The following DOCK2 variants were observed in gnomAD, a reference collection of about 807,000 sequenced individuals.
DOCK2 encodes the protein dedicator of cytokinesis 2.
A neutral mutation model predicts 248.9 loss-of-function variants in DOCK2; 87 were observed. That is an observed-to-expected ratio of 0.35 (90% CI 0.29 to 0.42). The LOEUF (loss-of-function observed/expected upper bound fraction) is 0.42. Among genes scored for constraint, DOCK2 ranks in the 10% least tolerant of loss-of-function variants. The pLI is 1.00. For synonymous variants in DOCK2, 805 were observed against 821.6 expected, an observed-to-expected ratio of 0.98 and a Z score of 0.35; for missense variants, 1,747 against 2,300.2, an observed-to-expected ratio of 0.76 and a Z score of 4.92.
At chr5:169,912,621 A>ATGTG (rs59287791) in intron 27 of DOCK2, among the ~76,000 whole-genome samples, 25,381 of 150,466 alleles carry the variant, frequency 0.17, 2,811 homozygotes, top group African/African-American at 0.32. Flanking sequence ...GGTGGAGTGT[A>ATGTG]TGTGTGTGTG....
chr5:169,850,825 T>C (rs1770582371), intron 27 of DOCK2, among the ~76,000 whole-genome samples: 1 of 152,222 alleles, frequency 6.6e-6, no homozygotes, highest in African/African-American at 2.4e-5. Flanking sequence ...TTCACGGAAC[T>C]GGAACTGGGT....
intron 9 of DOCK2, among the ~76,000 whole-genome samples, chr5:169,692,984 T>C (rs996579755): frequency 6.0e-5 from 9 of 150,660 alleles, no homozygotes; most frequent in Admixed American, 4.6e-4. Flanking sequence ...CACTGAAGAT[T>C]AGGTATTCAA....
chr5:169,946,967 G>A (rs1776477225), intron 27 of DOCK2, among the ~76,000 whole-genome samples: 1 of 152,164 alleles, frequency 6.6e-6, no homozygotes, highest in South Asian at 2.1e-4. Context: ...CCATATGGGA[G>A]GAATGGAATG....
intron 27 of DOCK2, among the ~76,000 whole-genome samples, chr5:169,853,981 GC>G (rs1770758827): frequency 6.7e-6 from 1 of 149,070 alleles, no homozygotes; most frequent in Non-Finnish European, 1.5e-5. Context: ...GACTACAGGC[GC>G]CCACCACCAT....
chr5:169,871,801 C>T (rs780905944), intron 27 of DOCK2, among the ~76,000 whole-genome samples: 11 of 152,152 alleles, frequency 7.2e-5, no homozygotes, highest in Admixed American at 2.6e-4. Flanking sequence ...GCATGGGGGA[C>T]GCTTTATGGA....
At chr5:169,876,128 C>T (rs1390690781) in intron 27 of DOCK2, among the ~76,000 whole-genome samples, 1 of 152,176 alleles carries the variant, frequency 6.6e-6, no homozygotes, top group Non-Finnish European at 1.5e-5. Context: ...TCTGGCGTCA[C>T]ATCTCCTTCT....
intron 33 of DOCK2, among the ~76,000 whole-genome samples, chr5:170,024,298 G>A (rs1386526824): frequency 6.6e-6 from 1 of 151,250 alleles, no homozygotes; most frequent in Non-Finnish European, 1.5e-5. Context: ...TCTGGATGGT[G>A]ACAGTGTTGG....
chr5:169,887,584 C>T (rs1773044075), intron 27 of DOCK2, among the ~76,000 whole-genome samples: 1 of 152,196 alleles, frequency 6.6e-6, no homozygotes, highest in African/African-American at 2.4e-5. Flanking sequence ...AGTAGGCTAA[C>T]ATGAATTTGT....
At chr5:169,927,044 G>GT (rs561156591) in intron 27 of DOCK2, among the ~76,000 whole-genome samples, 4 of 152,318 alleles carry the variant, frequency 2.6e-5, no homozygotes, top group Admixed American at 2.0e-4. Context: ...GTGCTTCCCA[G>GT]GGTGCCAGAC....
At chr5:169,657,385 G>A (rs1758182930) in intron 2 of DOCK2, among the ~76,000 whole-genome samples, 1 of 152,152 alleles carries the variant, frequency 6.6e-6, no homozygotes, top group Admixed American at 6.5e-5. Flanking sequence ...AAAGAATATG[G>A]GTGTACCCGT....
At chr5:169,993,189 T>C (rs1392922260) in intron 29 of DOCK2, among the ~76,000 whole-genome samples, 1 of 152,214 alleles carries the variant, frequency 6.6e-6, no homozygotes, top group East Asian at 1.9e-4. Context: ...CAAAATACAA[T>C]GTTGTTTCAA....
intron 27 of DOCK2, among the ~76,000 whole-genome samples, chr5:169,852,554 A>G (rs1770671354): frequency 6.6e-6 from 1 of 152,134 alleles, no homozygotes; most frequent in South Asian, 2.1e-4. Flanking sequence ...GCAGATCCCC[A>G]TTTTGCTTCT....
intron 22 of DOCK2, among the ~76,000 whole-genome samples, chr5:169,721,366 C>A (rs1762195566): frequency 1.3e-5 from 2 of 152,152 alleles, no homozygotes; most frequent in Admixed American, 6.5e-5. Flanking sequence ...CGGTCTAGGA[C>A]CTCATGCTAG....
At chr5:169,919,560 G>A (rs889453027) in intron 27 of DOCK2, among the ~76,000 whole-genome samples, 2 of 152,170 alleles carry the variant, frequency 1.3e-5, no homozygotes, top group East Asian at 3.8e-4. Flanking sequence ...TCTTTGATGT[G>A]GACATTAAAC....
intron 29 of DOCK2, among the ~76,000 whole-genome samples, chr5:169,991,217 G>A (rs912412480): frequency 2.6e-5 from 4 of 152,226 alleles, no homozygotes; most frequent in African/African-American, 9.6e-5. Flanking sequence ...CATGTAGTGT[G>A]TATAGGCTTA....
intron 51 of DOCK2, 32 bp downstream of exon 51, chr5:170,082,016 G>A (rs775122604): frequency 1.9e-6 from 3 of 1,608,950 alleles, no homozygotes; most frequent in South Asian, 2.2e-5. Context: ...GGAAAGGAAG[G>A]CATTGGGAGG....
intron 27 of DOCK2, among the ~76,000 whole-genome samples, chr5:169,942,170 G>A (rs1237868492): frequency 6.6e-6 from 1 of 152,192 alleles, no homozygotes; most frequent in Non-Finnish European, 1.5e-5. Flanking sequence ...AAAGTCTGTA[G>A]CATATCTTAT....
intron 32 of DOCK2, among the ~76,000 whole-genome samples, chr5:170,015,118 C>T (rs1271962643): frequency 6.6e-6 from 1 of 152,154 alleles, no homozygotes; most frequent in Non-Finnish European, 1.5e-5. Context: ...TTTCATATTG[C>T]TTAATCTAAA....
At chr5:169,870,607 TTTA>T (rs529995001) in intron 27 of DOCK2, among the ~76,000 whole-genome samples, 137 of 152,178 alleles carry the variant, frequency 9.0e-4, no homozygotes, top group Admixed American at 2.2e-3. Context: ...TTTTTAAAAT[TTTA>T]TTATTATTAT....
Sources: gnomAD v4.1 joint callset for allele counts (sites outside exome capture counted in the v4.1 genomes callset) on GRCh38, gnomAD v4.1.1 for gene constraint, MANE v1.5 for transcripts, NCBI Gene and HGNC (gene_info 2026-07-23, HGNC 2026-07-21) for gene names.